LCMT1: variants seen among roughly 807,000 people sequenced by gnomAD.
LCMT1 encodes the protein leucine carboxyl methyltransferase 1.
LCMT1 carries 32 observed loss-of-function variants against 47.7 expected under a neutral mutation model. The observed-to-expected ratio is 0.67, with a 90% confidence interval of 0.51 to 0.90. The LOEUF (loss-of-function observed/expected upper bound fraction) is 0.90, where lower values mean the gene tolerates loss of function less well. Among genes scored for constraint, LCMT1 ranks in the 40% least tolerant of loss-of-function variants. LCMT1 has a pLI of 0.00. For missense variants in LCMT1, 375 were observed against 415.2 expected, an observed-to-expected ratio of 0.90 and a Z score of 0.84; for synonymous variants, 152 against 149.7, an observed-to-expected ratio of 1.02 and a Z score of -0.11.
In LCMT1 at chr16:25,141,308, T is replaced by G. The variant is rs148956218; in HGVS notation, c.404+1061T>G. The G allele has an allele frequency of 3.8e-4, 58 of 152,338 alleles. 1 individual carries two copies. The highest frequency in any genetic ancestry group is 1.3e-3 in the African/African-American group (54 of 41,578). 9.4% of individuals were successfully genotyped at this position (152,338 alleles called of 1,614,324 possible). On this transcript the variant is annotated intron_variant, in intron 4 of 10. Coordinates refer to ENST00000399069, the MANE Select transcript of LCMT1 (RefSeq NM_016309.3). ...CCAGATGGTTTGAGCAGTAGAGTCA[T>G]TACGATTATGTAGCCAGGTAGCCTC...
intron 5 of LCMT1, chr16:25,158,876 A>C (rs1486322838): frequency 1.3e-5 from 2 of 152,200 alleles, no homozygotes; most frequent in East Asian, 3.9e-4. Context: ...ATTCAAAGGG[A>C]TCTCAAGGTC....
intron 1 of LCMT1, among the ~76,000 whole-genome samples, chr16:25,116,575 C>T (rs1458751502): frequency 6.6e-6 from 1 of 151,974 alleles, no homozygotes; most frequent in Non-Finnish European, 1.5e-5. Flanking sequence ...TCCTGGAGGT[C>T]AGTGCCACTC....
intron 5 of LCMT1, among the ~76,000 whole-genome samples, chr16:25,153,203 G>A (rs1161329743): frequency 6.6e-6 from 1 of 152,156 alleles, no homozygotes; most frequent in Non-Finnish European, 1.5e-5. Context: ...ACATTTTCAG[G>A]TACTTAACAG....
intron 1 of LCMT1, among the ~76,000 whole-genome samples, chr16:25,126,946 C>T (rs1315831574): frequency 6.6e-6 from 1 of 152,204 alleles, no homozygotes; most frequent in Admixed American, 6.5e-5. Context: ...CTTGTTTCAA[C>T]TGCAGATGTA....
At chr16:25,171,379 T>C (rs944688525) in intron 9 of LCMT1, among the ~76,000 whole-genome samples, 4 of 151,906 alleles carry the variant, frequency 2.6e-5, no homozygotes, top group African/African-American at 9.7e-5. Context: ...TGCAATTGTA[T>C]CCAGCCTGTG....
intron 10 of LCMT1, 110 bp downstream of exon 10, chr16:25,175,144 C>T (rs955437627): frequency 6.2e-6 from 4 of 640,818 alleles, no homozygotes; most frequent in African/African-American, 1.8e-5. Context: ...TCTCTCTGTC[C>T]CTTCTTTCTT....
chr16:25,159,149 G>T (rs1195522232), intron 5 of LCMT1, among the ~76,000 whole-genome samples: 1 of 152,204 alleles, frequency 6.6e-6, no homozygotes, highest in African/African-American at 2.4e-5. Flanking sequence ...ATTTGTTGTT[G>T]TTTGGCCAGG....
chr16:25,139,335 A>G (rs1233362323), intron 3 of LCMT1, among the ~76,000 whole-genome samples: 1 of 152,012 alleles, frequency 6.6e-6, no homozygotes, highest in African/African-American at 2.4e-5. Flanking sequence ...CTGTTCTTTA[A>G]TCTATCATAC....
chr16:25,131,298 C>T (rs1465243091), intron 2 of LCMT1, among the ~76,000 whole-genome samples: 1 of 152,232 alleles, frequency 6.6e-6, no homozygotes, highest in Non-Finnish European at 1.5e-5. Context: ...GCTGCACAGG[C>T]AAAGACCCCC....
intron 4 of LCMT1, chr16:25,140,948 C>G (rs1960668425): frequency 6.6e-6 from 1 of 152,088 alleles, no homozygotes; most frequent in African/African-American, 2.4e-5. Context: ...AGATTTCACC[C>G]TCTATTCTTA....
At chr16:25,123,440 G>T (rs999794128) in intron 1 of LCMT1, among the ~76,000 whole-genome samples, 1 of 151,908 alleles carries the variant, frequency 6.6e-6, no homozygotes, top group East Asian at 1.9e-4. Flanking sequence ...GGCCAGGCTG[G>T]TCTCAAAATC....
intron 5 of LCMT1, among the ~76,000 whole-genome samples, chr16:25,159,706 A>G (rs1961362608): frequency 6.6e-6 from 1 of 152,044 alleles, no homozygotes; most frequent in African/African-American, 2.4e-5. Flanking sequence ...GTGTAGCCAT[A>G]TGTATTTGAA....
At chr16:25,128,355 T>C (rs1417487161) in intron 1 of LCMT1, 120 bp from the exon 2 acceptor site, 4 of 660,726 alleles carry the variant, frequency 6.1e-6, no homozygotes, top group Non-Finnish European at 1.0e-5. Flanking sequence ...ACTTGGCCTT[T>C]TGAGGTGGAT....
intron 5 of LCMT1, among the ~76,000 whole-genome samples, chr16:25,156,132 T>C (rs1433029737): frequency 6.6e-6 from 1 of 152,176 alleles, no homozygotes; most frequent in Non-Finnish European, 1.5e-5. Flanking sequence ...CAGCTGCCGC[T>C]TCCTCAGAGG....
rs1219508083 is a variant in LCMT1 at position 25,132,540 on chromosome 16, C to T, written c.327+17C>T. ...AGATTAAAGGTATGTTCAAATTCCC[C>T]TCCTCCCTCCCCAAGTGTTTAGATT... On this transcript the variant is annotated intron_variant, in intron 3 of 10. Transcript: ENST00000399069. 2.5e-6 allele frequency: 4 copies of T among 1,611,414 alleles called. No individual in the cohort carries two copies. The African/African-American group carries it at 4.0e-5, about 16-fold the overall frequency.
chr16:25,164,337 A>G (rs950666272), intron 6 of LCMT1, among the ~76,000 whole-genome samples: 1 of 152,112 alleles, frequency 6.6e-6, no homozygotes, highest in African/African-American at 2.4e-5. Context: ...ACTTGAAACC[A>G]TTTTTACAAT....
At chr16:25,126,392 CT>C (rs1960191489) in intron 1 of LCMT1, among the ~76,000 whole-genome samples, 1 of 152,296 alleles carries the variant, frequency 6.6e-6, no homozygotes, top group East Asian at 1.9e-4. Context: ...TTCCCCGAGT[CT>C]TTCTGCCTGC....
chr16:25,149,936 A>G (rs1467157984), intron 4 of LCMT1, among the ~76,000 whole-genome samples: 1 of 145,268 alleles, frequency 6.9e-6, no homozygotes, highest in East Asian at 2.0e-4. Flanking sequence ...AAAAAAAAGT[A>G]GGTTACCTGG....
At chr16:25,138,173 G>T (rs1274320002) in intron 3 of LCMT1, among the ~76,000 whole-genome samples, 1 of 152,214 alleles carries the variant, frequency 6.6e-6, no homozygotes, top group African/African-American at 2.4e-5. Context: ...GTGGAGAGGG[G>T]GAGAGGCTGG....
Sources: gnomAD v4.1 joint callset for allele counts (sites outside exome capture counted in the v4.1 genomes callset) on GRCh38, gnomAD v4.1.1 for gene constraint, MANE v1.5 for transcripts, NCBI Gene and HGNC (gene_info 2026-07-23, HGNC 2026-07-21) for gene names.